The following SYNPO2 variants were observed in gnomAD, a reference collection of about 807,000 sequenced individuals.
The protein encoded by SYNPO2 is synaptopodin 2.
Under a neutral mutation model 85.0 loss-of-function variants are expected in SYNPO2, and 56 were observed. The ratio of observed to expected loss-of-function variants is 0.66; its 90% confidence interval spans 0.53 to 0.82. The LOEUF (loss-of-function observed/expected upper bound fraction) is 0.82, where lower values mean the gene tolerates loss of function less well. SYNPO2 is among the 40% of genes least tolerant of loss of function. The pLI is 0.00. For synonymous variants in SYNPO2, 602 were observed against 591.1 expected, an observed-to-expected ratio of 1.02 and a Z score of -0.27; for missense variants, 1,575 against 1,534.2, an observed-to-expected ratio of 1.03 and a Z score of -0.44.
chr4:119,047,781 A>G (rs1738916258), intron 4 of SYNPO2, among the ~76,000 whole-genome samples: 1 of 152,176 alleles, frequency 6.6e-6, no homozygotes, highest in Non-Finnish European at 1.5e-5. Context: ...AACTGTTTCT[A>G]CTGTCAAGAA....
rs140223210 is a variant in SYNPO2, at chr4:119,026,989, G to C, written c.620G>C (p.Arg207Thr). Residue 207 changes from arginine to threonine, a missense_variant, in exon 3 of 5, where the codon AGA (arginine) becomes ACA (threonine). This residue lies in a region of SYNPO2 where 1,508 missense variants were observed against 1,446.8 expected (regional missense o/e 1.04). Coordinates refer to ENST00000307142, the MANE Select transcript of SYNPO2 (RefSeq NM_133477.3). ...CTGCAACTGTCCCTTTCACAGGAGA[G>C]ACATAAGGGCGCTAGTGGCCCTTTA... is the stretch of plus-strand genomic sequence containing the variant. Reference protein sequence around the residue: ...VELQLSLSQERHKGASGPLVA... With the variant: ...VELQLSLSQETHKGASGPLVA... 22 of 1,614,056 alleles carry C rather than the reference G, an allele frequency of 1.4e-5. No individual in the cohort carries two copies. The African/African-American group carries it at 2.8e-4, about 21-fold the overall frequency.
At chr4:118,901,541 T>C (rs937250888) in intron 1 of SYNPO2, among the ~76,000 whole-genome samples, 4 of 152,246 alleles carry the variant, frequency 2.6e-5, no homozygotes, top group African/African-American at 9.6e-5. Context: ...TCAGCTCTGC[T>C]GTATTCTTGT....
At chr4:118,993,045 A>T (rs564428281) in intron 1 of SYNPO2, among the ~76,000 whole-genome samples, 59 of 152,348 alleles carry the variant, frequency 3.9e-4, no homozygotes, top group African/African-American at 1.4e-3. Context: ...AGCAGAGTCG[A>T]TCTGCAAGAT....
intron 1 of SYNPO2, among the ~76,000 whole-genome samples, chr4:118,964,008 C>T (rs574189432): frequency 1.3e-5 from 2 of 152,276 alleles, no homozygotes; most frequent in South Asian, 4.2e-4. Context: ...GGGATTGCAT[C>T]CTATTAGGAC....
At chr4:118,998,877 ACT>A (rs1012900779) in intron 1 of SYNPO2, among the ~76,000 whole-genome samples, 1 of 148,994 alleles carries the variant, frequency 6.7e-6, no homozygotes, top group Non-Finnish European at 1.5e-5. Flanking sequence ...TCTCTCTCTT[ACT>A]CTGTTTTTGT....
chr4:118,945,783 G>C (rs1403211154), intron 1 of SYNPO2, among the ~76,000 whole-genome samples: 1 of 151,628 alleles, frequency 6.6e-6, no homozygotes, highest in African/African-American at 2.4e-5. Context: ...GTCTTGCTCT[G>C]TTGCCAGTCT....
At chr4:118,868,000 A>G (rs1731731203) in intron 1 of SYNPO2, among the ~76,000 whole-genome samples, 1 of 151,678 alleles carries the variant, frequency 6.6e-6, no homozygotes, top group South Asian at 2.1e-4. Context: ...TGTACTTCAT[A>G]GGAAAAAAAG....
At chr4:118,976,011 C>T (rs1163307453) in intron 1 of SYNPO2, among the ~76,000 whole-genome samples, 1 of 152,224 alleles carries the variant, frequency 6.6e-6, no homozygotes, top group Non-Finnish European at 1.5e-5. Context: ...AATAGACTCC[C>T]TGTCCCCTAC....
chr4:118,985,495 G>A (rs928663276), intron 1 of SYNPO2, among the ~76,000 whole-genome samples: 1 of 152,118 alleles, frequency 6.6e-6, no homozygotes, highest in Admixed American at 6.5e-5. Context: ...CCCTAAAACT[G>A]CTGTAGGCAA....
chr4:118,976,864 C>T (rs572060988), intron 1 of SYNPO2, among the ~76,000 whole-genome samples: 25 of 151,766 alleles, frequency 1.6e-4, no homozygotes, highest in Admixed American at 7.9e-4. Flanking sequence ...TACAGAGTGT[C>T]GATTGGTGCA....
At chr4:119,026,516 GA>G in intron 2 of SYNPO2, 110 bp from the exon 3 acceptor site, 1 of 1,197,412 alleles carries the variant, frequency 8.4e-7, no homozygotes, top group East Asian at 2.4e-5. Flanking sequence ...ACATTTAGAA[GA>G]AAATATTTTG....
intron 4 of SYNPO2, chr4:119,037,753 T>A: frequency 1.7e-6 from 1 of 578,924 alleles, no homozygotes; most frequent in Non-Finnish European, 2.2e-6. Context: ...GGCCCTGATT[T>A]GTGCTGAGTA....
At chr4:118,909,838 T>C (rs1733074980) in intron 1 of SYNPO2, among the ~76,000 whole-genome samples, 1 of 152,198 alleles carries the variant, frequency 6.6e-6, no homozygotes, top group Admixed American at 6.5e-5. Flanking sequence ...TCTCTGACTC[T>C]TGACAGAAGT....
At chr4:119,002,110 T>A (rs867690110) in intron 1 of SYNPO2, among the ~76,000 whole-genome samples, 3 of 152,222 alleles carry the variant, frequency 2.0e-5, no homozygotes, top group African/African-American at 7.2e-5. Flanking sequence ...TACTTTTTCC[T>A]TTCCTGCATA....
At chr4:118,994,754 T>C (rs1192197561) in intron 1 of SYNPO2, among the ~76,000 whole-genome samples, 1 of 152,204 alleles carries the variant, frequency 6.6e-6, no homozygotes. Context: ...CTTGGACATC[T>C]AAAGTTAAAA....
At chr4:118,901,050 T>C (rs1245207899) in intron 1 of SYNPO2, among the ~76,000 whole-genome samples, 2 of 151,992 alleles carry the variant, frequency 1.3e-5, no homozygotes, top group Admixed American at 6.6e-5. Flanking sequence ...CTCCAATATG[T>C]AGTTTGTTTT....
chr4:118,911,295 T>C (rs1345018250), intron 1 of SYNPO2, among the ~76,000 whole-genome samples: 4 of 152,180 alleles, frequency 2.6e-5, no homozygotes, highest in African/African-American at 4.8e-5. Context: ...TCAGGGATAA[T>C]TGGGAATTGC....
chr4:118,980,244 G>C (rs1735955770), intron 1 of SYNPO2, among the ~76,000 whole-genome samples: 1 of 151,882 alleles, frequency 6.6e-6, no homozygotes, highest in South Asian at 2.1e-4. Flanking sequence ...TTTTCTTTTG[G>C]GGGCCCACTC....
chr4:118,937,317 C>T (rs113814147), intron 1 of SYNPO2, among the ~76,000 whole-genome samples: 4 of 152,086 alleles, frequency 2.6e-5, no homozygotes, highest in Admixed American at 6.6e-5. Flanking sequence ...TGCCTTGGGA[C>T]CTCTGCACAT....
Sources: allele counts gnomAD v4.1 joint callset (sites outside exome capture counted in the v4.1 genomes callset), GRCh38; gene constraint gnomAD v4.1.1; regional missense constraint gnomAD v4.1.1; transcripts MANE v1.5; gene names NCBI Gene and HGNC (gene_info 2026-07-23, HGNC 2026-07-21).